The following RTEL1 variants were observed in gnomAD, a reference collection of about 807,000 sequenced individuals.
The protein encoded by RTEL1 is regulator of telomere elongation helicase 1.
A neutral mutation model predicts 162.2 loss-of-function variants in RTEL1; 86 were observed. The observed-to-expected ratio is 0.53, with a 90% confidence interval of 0.45 to 0.63. RTEL1 has a LOEUF of 0.63. Among genes scored for constraint, RTEL1 ranks in the 30% least tolerant of loss-of-function variants. The pLI is 0.00. For missense variants in RTEL1, 1,941 were observed against 1,750.2 expected (o/e 1.11, Z -1.95); for synonymous variants, 958 against 717.9 (o/e 1.33, Z -5.35).
rs759564073 is a variant in RTEL1 at position 63,693,208 on chromosome 20, G to T, written c.2917G>T (p.Gly973Ter). 1 of 1,612,150 alleles carries T rather than the reference G, an allele frequency of 6.2e-7. No homozygotes were observed. The highest frequency in any genetic ancestry group is 8.5e-7 in the Non-Finnish European group (1 of 1,179,532). ...TGAGGAGGTCTGTATCCAGCTGACAGGACGAGGCTGTGGCTATCGGCCTGA... is the reference window on the plus strand; with the variant it reads ...TGAGGAGGTCTGTATCCAGCTGACATGACGAGGCTGTGGCTATCGGCCTGA... ...QFEEVCIQLTGRGCGYRPEHS... is the reference protein window; with the variant it reads ...QFEEVCIQLT The change falls in exon 30 of 35, where the codon GGA (glycine) becomes TGA (stop). Residue 973 changes from glycine to a stop codon, truncating the protein, a stop_gained. Transcript: ENST00000360203. LOFTEE classifies it high-confidence loss of function.
At position 63,668,033 on chromosome 20, in the gene RTEL1, G is replaced by A. The variant is rs890468564; in HGVS notation, c.699+480G>A. On this transcript the variant is annotated intron_variant, in intron 8 of 34. Transcript: ENST00000360203. The surrounding 1 kb of genome is among the most constrained non-coding windows in gnomAD (Gnocchi z 4.3). ...CTCACTCCCCCCACAGCATGTGCCC[G>A]GCCTGACACTCACTCCCCTCCTCCC... Among the ~76,000 whole-genome samples the A allele has an allele frequency of 2.9e-5, 4 of 138,386 alleles. No homozygotes were observed. The highest frequency in any genetic ancestry group is 1.1e-4 in the African/African-American group (4 of 35,532). The allele number at this position is 138,386 out of a possible 152,430, so 90.8% of individuals were successfully genotyped here. A position where few individuals can be genotyped will look rare whatever the true frequency, so the allele number is the denominator to read the frequency against.
chr20:63,678,167 C>T lies in RTEL1; in HGVS notation c.942C>T (p.Asp314=). ...CAGGGCTGAACATGGAGCTGGAAGA[C>T]ATTGCAAAGCTGAAGAGTAAGTGTT... ...PSPGLNMELE[D]IAKLKMILLR... is the part of the protein sequence containing the mutation. The change falls in exon 11 of 35, where the codon GAC becomes GAT. Residue 314 remains aspartate, a synonymous_variant. Transcript: ENST00000360203. 1 of 1,614,186 alleles carries T rather than the reference C, an allele frequency of 6.2e-7. No individual in the cohort carries two copies. Among genetic ancestry groups the T allele is most frequent in the Non-Finnish European group, 8.5e-7 (1 of 1,180,024 alleles).
chr20:63,666,829 CAGCT>C (rs2090138525), intron 7 of RTEL1, among the ~76,000 whole-genome samples: 1 of 148,830 alleles, frequency 6.7e-6, no homozygotes, highest in Middle Eastern at 3.3e-3. Flanking sequence ...CATGCCTGGC[CAGCT>C]CTTTTTTTTT....
chr20:63,681,431 T>C (rs2090475419), intron 14 of RTEL1: 1 of 985,168 alleles, frequency 1.0e-6, no homozygotes, highest in Admixed American at 6.2e-5. Context: ...TGTGGAGCCC[T>C]GTGAGGCCTC....
At chr20:63,688,780 C>T in intron 21 of RTEL1, 175 bp downstream of exon 21, 1 of 652,910 alleles carries the variant, frequency 1.5e-6, no homozygotes. Context: ...TCTTACAAAG[C>T]CCCCAGCACC....
At chr20:63,692,397 G>A (rs986385642) in intron 28 of RTEL1, 14 of 278,318 alleles carry the variant, frequency 5.0e-5, no homozygotes, top group Non-Finnish European at 9.1e-5. Flanking sequence ...GTGTTGGTCT[G>A]GGGTGTGTAG....
At position 63,690,860 on chromosome 20, in the gene RTEL1, G is replaced by T; in HGVS notation, c.2469G>T (p.Glu823Asp). The change falls in exon 27 of 35, where the codon GAG (glutamate) becomes GAT (aspartate). Residue 823 changes from glutamate (E) to aspartate (D), a missense_variant. By Grantham distance (45) the Glu-to-Asp change is conservative. Coordinates refer to ENST00000360203, the MANE Select transcript of RTEL1 (RefSeq NM_001283009.2). Reference sequence around the variant, plus strand: ...GCCTGTGTGTGGAGTATGAGCAGGAGCCAGTTCCTGCCCGGCAGAGGCCCA... The same window carrying T: ...GCCTGTGTGTGGAGTATGAGCAGGATCCAGTTCCTGCCCGGCAGAGGCCCA... ...ESSLCVEYEQEPVPARQRPRG... is the reference protein window; with the variant it reads ...ESSLCVEYEQDPVPARQRPRG... 2 of 1,602,842 alleles carry T rather than the reference G, an allele frequency of 1.2e-6. No individual in the cohort carries two copies.
At chr20:63,662,650 C>A in intron 5 of RTEL1, 23 bp downstream of exon 5, 2 of 1,613,180 alleles carry the variant, frequency 1.2e-6, no homozygotes, top group South Asian at 2.2e-5. Flanking sequence ...GCTCCCGCTC[C>A]GGCTCAGTGT....
chr20:63,693,048 C>T lies in RTEL1; in HGVS notation c.2851+45C>T, dbSNP rs188772608. The T allele has an allele frequency of 1.5e-3, 2,358 of 1,609,988 alleles. 5 individuals carry two copies. Among genetic ancestry groups the T allele is most frequent in the Middle Eastern group, 5.0e-3 (30 of 6,046 alleles). On this transcript the variant is annotated intron_variant, in intron 29 of 34. Coordinates refer to ENST00000360203, the MANE Select transcript of RTEL1 (RefSeq NM_001283009.2). ...CCACCCACCCTGAGGGCAGTGCTGC[C>T]GCCGCGTGTGGGGTGGGGGCCATCT...
At chr20:63,660,213 G>T (rs201366557) in intron 2 of RTEL1, among the ~76,000 whole-genome samples, 1 of 152,152 alleles carries the variant, frequency 6.6e-6, no homozygotes, top group African/African-American at 2.4e-5. Flanking sequence ...CCTCTATCTC[G>T]ACTGCAAGAG....
At chr20:63,669,695 C>T (rs1442471128) in intron 8 of RTEL1, among the ~76,000 whole-genome samples, 11 of 147,388 alleles carry the variant, frequency 7.5e-5, no homozygotes, top group Admixed American at 4.7e-4. Flanking sequence ...TCCGGACAGA[C>T]GTTTCGCCAA....
In RTEL1 at chr20:63,662,623, T is replaced by C; in HGVS notation, c.473T>C (p.Leu158Pro). 1 of 1,613,996 alleles carries C rather than the reference T, an allele frequency of 6.2e-7. No homozygotes were observed. Among genetic ancestry groups the C allele is most frequent in the Non-Finnish European group, 8.5e-7 (1 of 1,179,996 alleles). Residue 158 changes from leucine to proline, a missense_variant, in exon 5 of 35, where the codon CTA (leucine) becomes CCA (proline). Coordinates refer to ENST00000360203, the MANE Select transcript of RTEL1 (RefSeq NM_001283009.2). ...GTGAAGAAACAAGAGAGTAACCATC[T>C]ACAGGTAGGCTCCTGGGCTCCCGCT... Reference protein sequence around the residue: ...PEVKKQESNHLQIHLCRKKVA... With the variant: ...PEVKKQESNHPQIHLCRKKVA...
chr20:63,666,415 A>G (rs79391682), intron 7 of RTEL1, among the ~76,000 whole-genome samples: 8,737 of 152,316 alleles, frequency 0.057, 345 homozygotes, highest in Non-Finnish European at 0.086. Context: ...ATAGCTTCCC[A>G]TGCTGGTGCT....
chr20:63,664,869 T>C (rs532401620), intron 6 of RTEL1, among the ~76,000 whole-genome samples: 6 of 152,126 alleles, frequency 3.9e-5, no homozygotes, highest in Non-Finnish European at 7.4e-5. Context: ...AAGCTTGGGG[T>C]CAGCCTGGGG....
chr20:63,692,629 G>A, intron 28 of RTEL1, 176 bp from the exon 29 acceptor site: 1 of 636,170 alleles, frequency 1.6e-6, no homozygotes, highest in Non-Finnish European at 2.7e-6. Context: ...CAGCCCCACA[G>A]CTTTCTTCCC....
Position 63,696,111 on chromosome 20 carries a change from G to GTGC in RTEL1, c.*253_*254insTGC, listed in dbSNP as rs2090973848. The GTGC allele has an allele frequency of 1.8e-6, 1 of 553,146 alleles. No individual in the cohort carries two copies. Among genetic ancestry groups the GTGC allele is most frequent in the African/African-American group, 1.9e-5 (1 of 52,484 alleles). 34.3% of individuals were successfully genotyped at this position (553,146 alleles called of 1,614,324 possible). A position where few individuals can be genotyped will look rare whatever the true frequency, so the allele number is the denominator to read the frequency against. On this transcript the variant is annotated 3_prime_UTR_variant, in exon 35 of 35. Coordinates refer to ENST00000360203, the MANE Select transcript of RTEL1 (RefSeq NM_001283009.2). ...GAAAGTGCTTCCCCAGAACTTCCCT[G>GTGC]GCTCCTGGCCTGTGAGTGGTGCCAC... is the stretch of plus-strand genomic sequence containing the variant.
chr20:63,690,700 G>A, intron 26 of RTEL1, 105 bp from the exon 27 acceptor site: 1 of 1,323,660 alleles, frequency 7.6e-7, no homozygotes, highest in African/African-American at 1.5e-5. Flanking sequence ...CCCACAGGCA[G>A]GACCCCAAGT....
chr20:63,693,528 T>TCCACCA (rs1568720636), intron 30 of RTEL1, among the ~76,000 whole-genome samples: 3 of 3,156 alleles, frequency 9.5e-4, no homozygotes, highest in Non-Finnish European at 1.9e-3. Flanking sequence ...CACCACCACC[T>TCCACCA]CCACCACCAC....
chr20:63,692,013 G>A (rs546265929), intron 28 of RTEL1, 176 bp downstream of exon 28: 2 of 571,096 alleles, frequency 3.5e-6, no homozygotes, highest in Admixed American at 3.0e-5. Flanking sequence ...GGTTTCTTCT[G>A]CAGGGGGCTC....
Sources: allele counts gnomAD v4.1 joint callset (sites outside exome capture counted in the v4.1 genomes callset), GRCh38; gene constraint gnomAD v4.1.1; non-coding constraint Gnocchi (gnomAD v3.1); transcripts MANE v1.5; gene names NCBI Gene and HGNC (gene_info 2026-07-23, HGNC 2026-07-21).